RYR2: variants seen among roughly 807,000 people sequenced by gnomAD.
The protein encoded by RYR2 is ryanodine receptor 2.
Under a neutral mutation model 601.1 loss-of-function variants are expected in RYR2, and 227 were observed. That is an observed-to-expected ratio of 0.38 (90% confidence interval 0.34 to 0.42). The LOEUF (loss-of-function observed/expected upper bound fraction) is 0.42, where lower values mean the gene tolerates loss of function less well. RYR2 is among the 10% of genes least tolerant of loss of function. RYR2 has a pLI of 1.00. For synonymous variants in RYR2, 2,223 were observed against 2,175.1 expected (o/e 1.02, Z -0.61); for missense variants, 4,646 against 6,156.5 (o/e 0.75, Z 8.21).
chr1:237,597,880 T>G (rs528839556), intron 34 of RYR2, among the ~76,000 whole-genome samples: 2 of 152,094 alleles, frequency 1.3e-5, no homozygotes, highest in African/African-American at 4.8e-5. Context: ...TTAAAATATA[T>G]AGAGTGGCTG....
At chr1:237,731,569 G>A (rs1031972793) in intron 77 of RYR2, among the ~76,000 whole-genome samples, 4 of 152,120 alleles carry the variant, frequency 2.6e-5, no homozygotes, top group Admixed American at 2.0e-4. Flanking sequence ...TTTGTAAATC[G>A]AGTCCTCCCT....
At chr1:237,144,264 A>G (rs1673725221) in intron 1 of RYR2, among the ~76,000 whole-genome samples, 1 of 152,232 alleles carries the variant, frequency 6.6e-6, no homozygotes, top group Admixed American at 6.5e-5. Context: ...TTCTCAAGAC[A>G]GACTACTCCT....
At chr1:237,131,229 T>A (rs1672137672) in intron 1 of RYR2, among the ~76,000 whole-genome samples, 1 of 152,058 alleles carries the variant, frequency 6.6e-6, no homozygotes, top group South Asian at 2.1e-4. Context: ...TTCCTGTAGT[T>A]ACAAAACTCA....
At chr1:237,185,589 C>A (rs991236674) in intron 1 of RYR2, among the ~76,000 whole-genome samples, 1 of 151,998 alleles carries the variant, frequency 6.6e-6, no homozygotes, top group Non-Finnish European at 1.5e-5. Context: ...AATAACAAAC[C>A]TTTGGGTACT....
intron 1 of RYR2, among the ~76,000 whole-genome samples, chr1:237,222,840 A>C (rs2149146537): frequency 6.6e-6 from 1 of 152,206 alleles, no homozygotes; most frequent in Admixed American, 6.5e-5. Flanking sequence ...CTGATGTGGG[A>C]GGATTACCTG....
At chr1:237,113,417 T>C (rs1392842176) in intron 1 of RYR2, among the ~76,000 whole-genome samples, 1 of 151,936 alleles carries the variant, frequency 6.6e-6, no homozygotes, top group Non-Finnish European at 1.5e-5. Flanking sequence ...ACCAGGCTGG[T>C]CTCGAACTCC....
At chr1:237,722,734 A>T (rs1413530779) in intron 73 of RYR2, among the ~76,000 whole-genome samples, 1 of 152,126 alleles carries the variant, frequency 6.6e-6, no homozygotes, top group Admixed American at 6.5e-5. Context: ...TGCCTGGCCA[A>T]TATTTTTAAT....
chr1:237,654,696 A>T (rs1462445591), intron 52 of RYR2, among the ~76,000 whole-genome samples: 4 of 152,206 alleles, frequency 2.6e-5, no homozygotes, highest in Non-Finnish European at 4.4e-5. Flanking sequence ...TTTCCGGTGC[A>T]TTTGGACTCA....
At chr1:237,183,291 G>T (rs1281410941) in intron 1 of RYR2, among the ~76,000 whole-genome samples, 1 of 152,182 alleles carries the variant, frequency 6.6e-6, no homozygotes, top group Non-Finnish European at 1.5e-5. Flanking sequence ...TGGTAGAGGA[G>T]GAAGAATCTG....
At chr1:237,757,891 T>A (rs1693089855) in intron 82 of RYR2, 115 bp downstream of exon 82, 1 of 656,732 alleles carries the variant, frequency 1.5e-6, no homozygotes, top group Admixed American at 2.5e-5. Context: ...TCAATTTTAG[T>A]TTACCACAGT....
chr1:237,803,502 A>T (rs2794822), intron 98 of RYR2, among the ~76,000 whole-genome samples: 1 of 151,718 alleles, frequency 6.6e-6, no homozygotes, highest in Non-Finnish European at 1.5e-5. Context: ...GGGTTTCACC[A>T]TGTTAGCCAG....
At position 237,530,471 on chromosome 1, in the gene RYR2, A is replaced by G; in HGVS notation, c.2867A>G (p.His956Arg). 6.2e-7 allele frequency: 1 copy of G among 1,609,414 alleles called. No individual in the cohort carries two copies. The highest frequency in any genetic ancestry group is 2.2e-5 in the East Asian group (1 of 44,836). The change falls in exon 25 of 105, where the codon CAT becomes CGT. Residue 956 changes from histidine (H) to arginine (R), a missense_variant. His to Arg is a conservative substitution (Grantham distance 29, BLOSUM62 0). This residue lies in a region of RYR2 where 1,807 missense variants were observed against 2,088.1 expected (regional missense o/e 0.87). Coordinates refer to ENST00000366574, the MANE Select transcript of RYR2 (RefSeq NM_001035.3). The part of the protein sequence containing the change: ...LGCHVGISDE[H>R]AEDKVKKMKL... ...TGTCATGTGGGTATATCAGATGAAC[A>G]TGCTGAAGACAAGGTGAAAAAAATG...
intron 1 of RYR2, among the ~76,000 whole-genome samples, chr1:237,139,366 G>C (rs1331777073): frequency 6.6e-6 from 1 of 152,226 alleles, no homozygotes; most frequent in Non-Finnish European, 1.5e-5. Flanking sequence ...GTGGCTGTCA[G>C]GGGCTAAAGG....
At chr1:237,634,766 A>G (rs777081888) in intron 43 of RYR2, 123 bp from the exon 44 acceptor site, 37 of 651,398 alleles carry the variant, frequency 5.7e-5, no homozygotes, top group Admixed American at 1.8e-4. Flanking sequence ...ATGTAAATCA[A>G]TGTAGATTAA....
intron 17 of RYR2, among the ~76,000 whole-genome samples, chr1:237,478,353 A>T (rs952396672): frequency 1.3e-5 from 2 of 152,170 alleles, no homozygotes; most frequent in Non-Finnish European, 1.5e-5. Context: ...CCGTTTTTTA[A>T]CCTGTCAATG....
At chr1:237,116,696 A>G (rs1459602311) in intron 1 of RYR2, among the ~76,000 whole-genome samples, 1 of 152,098 alleles carries the variant, frequency 6.6e-6, no homozygotes, top group Non-Finnish European at 1.5e-5. Context: ...TTGGAGTCTG[A>G]AGAGAAGCTG....
chr1:237,213,316 T>C (rs1045430821), intron 1 of RYR2, among the ~76,000 whole-genome samples: 2 of 152,210 alleles, frequency 1.3e-5, no homozygotes, highest in Middle Eastern at 3.4e-3. Flanking sequence ...TAGCTGGGAT[T>C]ACCAGCATGC....
At chr1:237,222,363 A>G (rs1241971879) in intron 1 of RYR2, among the ~76,000 whole-genome samples, 1 of 151,834 alleles carries the variant, frequency 6.6e-6, no homozygotes, top group Non-Finnish European at 1.5e-5. Flanking sequence ...CAGTGAGCCA[A>G]TATCGCACCA....
rs1378688796 is a variant in RYR2, at chr1:237,278,059, A to AT, written c.168+7450dup. Among the ~76,000 whole-genome samples, 3 of 151,136 alleles carry AT rather than the reference A, an allele frequency of 2.0e-5. No individual in the cohort carries two copies. The East Asian group carries it at 5.9e-4, about 29-fold the overall frequency. Reference sequence around the variant, plus strand: ...GTGCTGTTTCTGTTTTTCTTTGTGGATTTTTTTGTTATTGTTGTTTTGTTT... The same window carrying AT: ...GTGCTGTTTCTGTTTTTCTTTGTGGATTTTTTTTGTTATTGTTGTTTTGTTT... On this transcript the variant is annotated intron_variant, in intron 2 of 104. Transcript: ENST00000366574.
Sources: gnomAD v4.1 joint callset for allele counts (sites outside exome capture counted in the v4.1 genomes callset) on GRCh38, gnomAD v4.1.1 for gene constraint, gnomAD v4.1.1 regional missense constraint, MANE v1.5 for transcripts, NCBI Gene and HGNC (gene_info 2026-07-23, HGNC 2026-07-21) for gene names.